Variants in LRRC4C observed in about 807,000 individuals in gnomAD.
LRRC4C encodes the protein leucine-rich repeat-containing protein 4C.
In LRRC4C, 5 loss-of-function variants were observed where a neutral mutation model predicts 33.6. The observed-to-expected ratio is 0.15, with a 90% CI of 0.08 to 0.31. The LOEUF is 0.31. Ranked by LOEUF, LRRC4C falls within the 10% of genes least tolerant of loss-of-function variation. The probability of loss-of-function intolerance (pLI) is 1.00; values close to 1 mark genes in which losing one functional copy is unlikely to be tolerated. For missense variants in LRRC4C, 560 were observed against 796.7 expected (o/e 0.70, Z 3.58); for synonymous variants, 329 against 302.0 (o/e 1.09, Z -0.93).
chr11:40,359,883 A>T (rs1947868315), intron 3 of LRRC4C, among the ~76,000 whole-genome samples: 1 of 152,134 alleles, frequency 6.6e-6, no homozygotes, highest in African/African-American at 2.4e-5. Context: ...TCCCAATCTG[A>T]TATCATAATG....
At chr11:40,683,715 A>C (rs1314385343) in intron 2 of LRRC4C, among the ~76,000 whole-genome samples, 1 of 152,180 alleles carries the variant, frequency 6.6e-6, no homozygotes, top group African/African-American at 2.4e-5. Context: ...TTGGTTCTGC[A>C]TGAGGCAGTG....
intron 3 of LRRC4C, among the ~76,000 whole-genome samples, chr11:40,370,562 C>T (rs958234553): frequency 2.6e-5 from 4 of 152,058 alleles, no homozygotes; most frequent in Non-Finnish European, 5.9e-5. Context: ...TAGCAAGGCC[C>T]GCAAATCCAA....
chr11:40,641,812 T>C (rs547870382), intron 3 of LRRC4C, among the ~76,000 whole-genome samples: 1 of 152,330 alleles, frequency 6.6e-6, no homozygotes, highest in South Asian at 2.1e-4. Flanking sequence ...TTGTTAGCTG[T>C]GACTCTGACT....
intron 3 of LRRC4C, among the ~76,000 whole-genome samples, chr11:40,355,049 A>G (rs1048203422): frequency 6.6e-6 from 1 of 152,070 alleles, no homozygotes; most frequent in African/African-American, 2.4e-5. Context: ...TGCTTAATCA[A>G]CAGGTGCTAA....
At chr11:41,289,708 C>T (rs182042069) in intron 1 of LRRC4C, among the ~76,000 whole-genome samples, 1 of 152,282 alleles carries the variant, frequency 6.6e-6, no homozygotes, top group Non-Finnish European at 1.5e-5. Flanking sequence ...TGAGAAAATA[C>T]ATGTTTGGTT....
intron 1 of LRRC4C, among the ~76,000 whole-genome samples, chr11:41,285,983 C>T (rs1949815686): frequency 6.6e-6 from 1 of 152,092 alleles, no homozygotes; most frequent in South Asian, 2.1e-4. Context: ...GCACGTGCCA[C>T]CACACCTGGC....
chr11:41,410,275 C>T (rs1250606744), intron 1 of LRRC4C, among the ~76,000 whole-genome samples: 3 of 152,188 alleles, frequency 2.0e-5, no homozygotes, highest in Non-Finnish European at 4.4e-5. Flanking sequence ...TGGCCTTCAG[C>T]AGCTCATCAC....
chr11:41,203,732 C>T (rs1324973440), intron 1 of LRRC4C, among the ~76,000 whole-genome samples: 1 of 152,172 alleles, frequency 6.6e-6, no homozygotes, highest in Non-Finnish European at 1.5e-5. Flanking sequence ...ATGTGAGCAT[C>T]TAATGACCTA....
chr11:40,635,197 C>G lies in LRRC4C; in HGVS notation c.-270+12945G>C, dbSNP rs576765402. On this transcript the variant is annotated intron_variant, in intron 3 of 6. Transcript: ENST00000528697. Reference sequence around the variant, plus strand: ...CAGCCCTTTCTTATGCTAGTTTCACCCAGGTCATCCATCATAGAATTCTCA... The same window carrying G: ...CAGCCCTTTCTTATGCTAGTTTCACGCAGGTCATCCATCATAGAATTCTCA... 6.6e-5 allele frequency among the ~76,000 whole-genome samples: 10 copies of G among 152,298 alleles called. No individual in the cohort carries two copies. The East Asian group carries it at 1.9e-3, about 29-fold the overall frequency.
chr11:41,268,512 C>G (rs991222604), intron 1 of LRRC4C, among the ~76,000 whole-genome samples: 1 of 152,106 alleles, frequency 6.6e-6, no homozygotes, highest in African/African-American at 2.4e-5. Flanking sequence ...AGCAACCAGA[C>G]TCTTCATCTT....
intron 1 of LRRC4C, among the ~76,000 whole-genome samples, chr11:41,371,392 T>A (rs1200708787): frequency 1.3e-5 from 2 of 152,354 alleles, no homozygotes; most frequent in Non-Finnish European, 2.9e-5. Flanking sequence ...ATGTCCAAAC[T>A]TAATAGAAAT....
At chr11:40,353,602 T>C (rs1947518497) in intron 3 of LRRC4C, among the ~76,000 whole-genome samples, 1 of 151,934 alleles carries the variant, frequency 6.6e-6, no homozygotes, top group Admixed American at 6.6e-5. Flanking sequence ...TAATTCTAGG[T>C]ATTTGGGAGG....
At chr11:40,483,234 G>A (rs1456699698) in intron 3 of LRRC4C, among the ~76,000 whole-genome samples, 1 of 152,200 alleles carries the variant, frequency 6.6e-6, no homozygotes, top group Non-Finnish European at 1.5e-5. Context: ...AGCTGACTGA[G>A]GCTGGAGACA....
intron 1 of LRRC4C, among the ~76,000 whole-genome samples, chr11:40,991,989 G>C (rs1853607814): frequency 6.6e-6 from 1 of 152,130 alleles, no homozygotes; most frequent in South Asian, 2.1e-4. Flanking sequence ...GGTTGGGGGT[G>C]CCTGATGTAA....
At chr11:40,141,333 A>G (rs1293096866) in intron 5 of LRRC4C, among the ~76,000 whole-genome samples, 1 of 152,136 alleles carries the variant, frequency 6.6e-6, no homozygotes, top group Non-Finnish European at 1.5e-5. Context: ...CCAAACAAGA[A>G]AGATATAAAA....
chr11:40,548,172 T>C (rs1477783617), intron 3 of LRRC4C, among the ~76,000 whole-genome samples: 1 of 151,922 alleles, frequency 6.6e-6, no homozygotes. Context: ...AAATCGGAAA[T>C]AAGTGAGGGA....
intron 4 of LRRC4C, among the ~76,000 whole-genome samples, chr11:40,280,258 T>C (rs899297665): frequency 2.0e-5 from 3 of 152,206 alleles, no homozygotes; most frequent in Non-Finnish European, 4.4e-5. Flanking sequence ...AAGGCTTTAA[T>C]ACAGACAGAG....
intron 1 of LRRC4C, among the ~76,000 whole-genome samples, chr11:41,405,068 G>A (rs774508373): frequency 3.3e-5 from 5 of 152,030 alleles, no homozygotes; most frequent in Non-Finnish European, 7.4e-5. Context: ...TACCTAAAAT[G>A]TTGATAAATA....
chr11:40,129,603 T>C (rs562531578), intron 6 of LRRC4C, among the ~76,000 whole-genome samples: 29 of 152,178 alleles, frequency 1.9e-4, no homozygotes, highest in Middle Eastern at 3.2e-3. Context: ...AGCTTTCAGG[T>C]CACTGCATTG....
Sources: allele counts gnomAD v4.1 joint callset (sites outside exome capture counted in the v4.1 genomes callset), GRCh38; gene constraint gnomAD v4.1.1; transcripts MANE v1.5; gene names NCBI Gene and HGNC (gene_info 2026-07-23, HGNC 2026-07-21).